The following COL5A2 variants were observed in gnomAD, a reference collection of about 807,000 sequenced individuals.
COL5A2 encodes the protein collagen type V alpha 2 chain, also known as collagen alpha-2(V) chain.
A neutral mutation model predicts 208.2 loss-of-function variants in COL5A2; 23 were observed. That is an observed-to-expected ratio of 0.11 (90% CI 0.08 to 0.16). The LOEUF (loss-of-function observed/expected upper bound fraction) is 0.16. COL5A2 is among the 10% of genes least tolerant of loss of function. The pLI, the probability that COL5A2 is intolerant of heterozygous loss-of-function variation, is 1.00. For missense variants in COL5A2, 1,590 were observed against 1,956.4 expected (o/e 0.81, Z 3.53); for synonymous variants, 625 against 628.5 (o/e 0.99, Z 0.08).
At chr2:189,043,376 T>A in intron 47 of COL5A2, 118 bp from the exon 48 acceptor site, 1 of 650,116 alleles carries the variant, frequency 1.5e-6, no homozygotes, top group Non-Finnish European at 2.7e-6. Context: ...TGGTATTTTA[T>A]ATGGATTAAT....
chr2:189,143,125 A>G (rs1687967671), intron 1 of COL5A2, among the ~76,000 whole-genome samples: 1 of 152,036 alleles, frequency 6.6e-6, no homozygotes, highest in African/African-American at 2.4e-5. Flanking sequence ...ACTTGCCTGC[A>G]TTATCTATAT....
rs536992157 is a variant in COL5A2 at position 189,199,031 on chromosome 2, C to T, written c.-42+26117G>A. On this transcript the variant is annotated intron_variant, in intron 1 of 10. Transcript: ENST00000649966. ...CACTTACTAACCTAAATTTTTAATT[C>T]CCTACATATCATATGCTGGTGTATA... 2.6e-5 allele frequency among the ~76,000 whole-genome samples: 4 copies of T among 151,454 alleles called. No homozygotes were observed. The East Asian group carries it at 7.8e-4, about 29-fold the overall frequency.
intron 52 of COL5A2, 58 bp downstream of exon 52, chr2:189,036,558 A>T: frequency 7.1e-7 from 1 of 1,398,662 alleles, no homozygotes; most frequent in Non-Finnish European, 9.9e-7. Context: ...TAAATCAAAA[A>T]TATGTAATAA....
Position 189,048,218 on chromosome 2 carries a change from A to G in COL5A2, c.3192T>C (p.Val1064=). 6.2e-7 allele frequency: 1 copy of G among 1,614,030 alleles called. No individual in the cohort carries two copies. The highest frequency in any genetic ancestry group is 8.5e-7 in the Non-Finnish European group (1 of 1,179,926). ...NDGTPGRDGA[V]GERGDRGDPG... The stretch of plus-strand genomic sequence containing the variant: ...GTGAAATGGCTCTTACACGTTCTCC[A>G]ACAGCACCATCCCGTCCTGGGGTAC... Residue 1064 remains valine, a synonymous_variant, in exon 45 of 54, where the codon GTT becomes GTC. Transcript: ENST00000374866.
At chr2:189,079,519 C>T (rs542522453) in intron 14 of COL5A2, among the ~76,000 whole-genome samples, 10 of 152,226 alleles carry the variant, frequency 6.6e-5, no homozygotes, top group Non-Finnish European at 8.8e-5. Flanking sequence ...GGTCATGATG[C>T]TTTCCACTAG....
chr2:189,234,033 A>C, the COL5A2 span, among the ~76,000 whole-genome samples: 1 of 151,578 alleles, frequency 6.6e-6, no homozygotes, highest in Non-Finnish European at 1.5e-5. Context: ...TTGATGGTCT[A>C]TATTACCTGT....
chr2:189,254,743 T>C, the COL5A2 span, among the ~76,000 whole-genome samples: 3 of 152,214 alleles, frequency 2.0e-5, no homozygotes, highest in Non-Finnish European at 4.4e-5. Flanking sequence ...AAGACAGGAT[T>C]CCACTGCATC....
chr2:189,313,015 T>C, the COL5A2 span, among the ~76,000 whole-genome samples: 2 of 152,088 alleles, frequency 1.3e-5, no homozygotes, highest in Non-Finnish European at 2.9e-5. Context: ...AAGAAGAATG[T>C]AGCCAACCTG....
At chr2:189,195,428 A>G (rs1679143560) in intron 1 of COL5A2, among the ~76,000 whole-genome samples, 1 of 152,146 alleles carries the variant, frequency 6.6e-6, no homozygotes, top group Admixed American at 6.5e-5. Context: ...CCATCAAACT[A>G]CGATTGACAT....
At chr2:189,055,780 G>C (rs1197751337) in intron 35 of COL5A2, among the ~76,000 whole-genome samples, 1 of 152,014 alleles carries the variant, frequency 6.6e-6, no homozygotes, top group African/African-American at 2.4e-5. Context: ...CTTACATCCT[G>C]GTCCTATCAC....
At chr2:189,064,779 A>T in intron 24 of COL5A2, 124 bp from the exon 25 acceptor site, 2 of 850,724 alleles carry the variant, frequency 2.4e-6, no homozygotes, top group Non-Finnish European at 2.0e-6. Context: ...GCACTGATAT[A>T]ACGTATAAAA....
At chr2:189,256,102 C>T in the COL5A2 span, among the ~76,000 whole-genome samples, 3 of 152,248 alleles carry the variant, frequency 2.0e-5, no homozygotes, top group Admixed American at 2.0e-4. Context: ...GTACCTGGCA[C>T]TGAGGATTCA....
At chr2:189,395,477 C>A in the COL5A2 span, among the ~76,000 whole-genome samples, 1 of 151,996 alleles carries the variant, frequency 6.6e-6, no homozygotes, top group East Asian at 1.9e-4. Flanking sequence ...TGGTTTTTAT[C>A]TTAGGGATAC....
the COL5A2 span, among the ~76,000 whole-genome samples, chr2:189,405,139 GC>G: frequency 6.6e-6 from 1 of 151,862 alleles, no homozygotes; most frequent in Non-Finnish European, 1.5e-5. Flanking sequence ...CAATATTATT[GC>G]TAACTGGAAA....
the COL5A2 span, among the ~76,000 whole-genome samples, chr2:189,402,364 C>T: frequency 6.6e-6 from 1 of 152,198 alleles, no homozygotes; most frequent in South Asian, 2.1e-4. Flanking sequence ...ATTACTGGCA[C>T]GTGCCACCAC....
chr2:189,341,815 T>A, the COL5A2 span, among the ~76,000 whole-genome samples: 1 of 152,184 alleles, frequency 6.6e-6, no homozygotes, highest in Non-Finnish European at 1.5e-5. Context: ...AAAGTGAGTA[T>A]CACTTGATTT....
chr2:189,042,409 A>G (rs1026452790), intron 49 of COL5A2, among the ~76,000 whole-genome samples: 1 of 152,226 alleles, frequency 6.6e-6, no homozygotes, highest in Non-Finnish European at 1.5e-5. Flanking sequence ...ATGCTATTAC[A>G]TCATCTCAAA....
At chr2:189,440,410 A>G in the COL5A2 span, among the ~76,000 whole-genome samples, 1 of 152,242 alleles carries the variant, frequency 6.6e-6, no homozygotes, top group African/African-American at 2.4e-5. Flanking sequence ...CCTAGGCTAC[A>G]AATCTGAACA....
the COL5A2 span, among the ~76,000 whole-genome samples, chr2:189,397,947 G>C: frequency 6.6e-6 from 1 of 151,918 alleles, no homozygotes; most frequent in African/African-American, 2.4e-5. Flanking sequence ...TCTCTAAACA[G>C]GGCTTTATAT....
Sources: allele counts gnomAD v4.1 joint callset (sites outside exome capture counted in the v4.1 genomes callset), GRCh38; gene constraint gnomAD v4.1.1; transcripts MANE v1.5; gene names NCBI Gene and HGNC (gene_info 2026-07-23, HGNC 2026-07-21).